Variants in C19orf18 observed in about 807,000 individuals in gnomAD.
The protein encoded by C19orf18 is uncharacterized protein C19orf18.
C19orf18 carries 21 observed loss-of-function variants against 23.3 expected under a neutral mutation model. The ratio of observed to expected loss-of-function variants is 0.90; its 90% CI spans 0.64 to 1.30. The LOEUF (loss-of-function observed/expected upper bound fraction) is 1.30. Among genes scored for constraint, C19orf18 ranks in the 50% most tolerant of loss-of-function variants. C19orf18 has a pLI of 0.00. For synonymous variants in C19orf18, 96 were observed against 95.2 expected (o/e 1.01, Z -0.05); for missense variants, 249 against 259.6 (o/e 0.96, Z 0.28).
At chr19:57,963,260 C>G (rs1436121290) in intron 4 of C19orf18, among the ~76,000 whole-genome samples, 1 of 151,914 alleles carries the variant, frequency 6.6e-6, no homozygotes, top group African/African-American at 2.4e-5. Flanking sequence ...AACTCCCAAC[C>G]TCAGGTGACC....
chr19:57,973,880 A>T (rs953375555), intron 2 of C19orf18, among the ~76,000 whole-genome samples: 5 of 143,942 alleles, frequency 3.5e-5, no homozygotes, highest in African/African-American at 1.3e-4. Flanking sequence ...CGCTTATTAA[A>T]GTGAAATGAA....
intron 5 of C19orf18, among the ~76,000 whole-genome samples, chr19:57,959,767 C>T (rs960179581): frequency 1.4e-5 from 2 of 147,272 alleles, no homozygotes; most frequent in African/African-American, 2.5e-5. Context: ...TGCACTCCAG[C>T]CTGGGTGACG....
rs1325217530 is a variant in C19orf18, at chr19:57,974,299, T to G, written c.121+13A>C. 1.2e-6 allele frequency: 2 copies of G among 1,613,988 alleles called. No individual in the cohort carries two copies. The highest frequency in any genetic ancestry group is 2.2e-5 in the East Asian group (1 of 44,904). On this transcript the variant is annotated intron_variant, in intron 1 of 5. Transcript: ENST00000314391. ...TTCTCCCTGAGTCACATAAAACCAGTGGTTGAAGCTACCTGGTAAGCCTGT... is the reference window on the plus strand; with the variant it reads ...TTCTCCCTGAGTCACATAAAACCAGGGGTTGAAGCTACCTGGTAAGCCTGT...
chr19:57,974,415 A>G lies in C19orf18; in HGVS notation c.18T>C (p.Ser6=). 6.2e-7 allele frequency: 1 copy of G among 1,613,780 alleles called. No homozygotes were observed. The highest frequency in any genetic ancestry group is 8.5e-7 in the Non-Finnish European group (1 of 1,179,938). MDKVQ[S]GFLILFLFLM... ...AAAACAAAAACAAAATGAGGAAACC[A>G]CTCTGAACCTTGTCCATCACTCTCA... Residue 6 remains serine (S), a synonymous_variant, in exon 1 of 6, where the codon AGT becomes AGC. Transcript: ENST00000314391.
intron 3 of C19orf18, among the ~76,000 whole-genome samples, chr19:57,969,847 G>A (rs1337155370): frequency 2.0e-5 from 3 of 148,740 alleles, no homozygotes; most frequent in African/African-American, 5.0e-5. Context: ...ACTCCAGGCT[G>A]GGCGACAAGA....
intron 4 of C19orf18, among the ~76,000 whole-genome samples, chr19:57,963,607 G>A (rs2072887860): frequency 6.6e-6 from 1 of 152,006 alleles, no homozygotes; most frequent in African/African-American, 2.4e-5. Flanking sequence ...TTTTATCTAG[G>A]CCAAGCACAG....
intron 5 of C19orf18, among the ~76,000 whole-genome samples, chr19:57,960,721 C>CT (rs2072863245): frequency 6.6e-6 from 1 of 152,170 alleles, no homozygotes; most frequent in African/African-American, 2.4e-5. Context: ...TTCCTGAACT[C>CT]TGTTAGATCC....
chr19:57,961,263 GAAGAAAGAAAGAA>G lies in C19orf18; in HGVS notation c.532+115_532+127del, dbSNP rs1223477191. On this transcript the variant is annotated intron_variant, in intron 5 of 5. Transcript: ENST00000314391. ...AAAAAAATGAAAGAAAGAAAGGAAG[GAAGAAAGAAAGAA>G]AGGAAAGAAAGAAAGAAAAGAAATG... 8.5e-5 allele frequency: 89 copies of G among 1,048,998 alleles called. 1 individual carries two copies. In the South Asian group the frequency reaches 1.5e-3, roughly 17 times the overall value. The allele number at this position is 1,048,998 out of a possible 1,614,324, so 65.0% of individuals were successfully genotyped here.
intron 4 of C19orf18, among the ~76,000 whole-genome samples, chr19:57,963,114 C>T (rs1031099637): frequency 6.6e-6 from 1 of 151,066 alleles, no homozygotes; most frequent in African/African-American, 2.4e-5. Context: ...ACAACCTCCA[C>T]CTCCCAGGTT....
rs1464021833 is a variant in C19orf18, at chr19:57,958,715, T to A, written c.535A>T (p.Ile179Phe). The change falls in exon 6 of 6, where the codon ATT (isoleucine) becomes TTT (phenylalanine). Residue 179 changes from isoleucine (I) to phenylalanine (F), a missense_variant and splice_region_variant. Transcript: ENST00000314391. Reference sequence around the variant, plus strand: ...ATATTTTTGCTTCTTTTTGATATAATAACTAAAATGTAGAAATGATGTTAT... The same window carrying A: ...ATATTTTTGCTTCTTTTTGATATAAAAACTAAAATGTAGAAATGATGTTAT... ...NELEKFIHSV[I>F]ISKRSKNIKK... 3 of 1,483,026 alleles carry A rather than the reference T, an allele frequency of 2.0e-6. No homozygotes were observed. The highest frequency in any genetic ancestry group is 1.9e-6 in the Non-Finnish European group (2 of 1,075,210). The allele number at this position is 1,483,026 out of a possible 1,614,324, so 91.9% of individuals were successfully genotyped here. A position where few individuals can be genotyped will look rare whatever the true frequency, so the allele number is the denominator to read the frequency against.
chr19:57,959,397 C>A (rs867052872), intron 5 of C19orf18, among the ~76,000 whole-genome samples: 2 of 151,830 alleles, frequency 1.3e-5, no homozygotes, highest in Admixed American at 6.6e-5. Flanking sequence ...CTGAACAGGG[C>A]GGATCACTTG....
At chr19:57,972,178 G>A (rs1245508725) in intron 3 of C19orf18, among the ~76,000 whole-genome samples, 1 of 152,200 alleles carries the variant, frequency 6.6e-6, no homozygotes, top group African/African-American at 2.4e-5. Flanking sequence ...TGCTGACAGG[G>A]CCGCTGTGTG....
chr19:57,965,979 TTTTC>T lies in C19orf18; in HGVS notation c.371+547_371+550del, dbSNP rs770833089. ...TACTTTAAGTAATATTTTCTTTTCTTTTTCTTTTTTTTTTTTTCAGACGAGTCTC... is the reference window on the plus strand; with the variant it reads ...TACTTTAAGTAATATTTTCTTTTCTTTTTTTTTTTTTTTCAGACGAGTCTC... On this transcript the variant is annotated intron_variant, in intron 4 of 5. Transcript: ENST00000314391. 1.8e-4 allele frequency among the ~76,000 whole-genome samples: 27 copies of T among 151,498 alleles called. No homozygotes were observed. The East Asian group carries it at 2.3e-3, about 13-fold the overall frequency.
chr19:57,973,317 A>G (rs572686108), intron 2 of C19orf18, among the ~76,000 whole-genome samples: 136 of 152,132 alleles, frequency 8.9e-4, no homozygotes, highest in Non-Finnish European at 1.6e-3. Flanking sequence ...CAAGCATCAT[A>G]TATCTCCACA....
intron 4 of C19orf18, among the ~76,000 whole-genome samples, chr19:57,962,237 A>G (rs983628165): frequency 6.6e-6 from 1 of 151,578 alleles, no homozygotes; most frequent in Non-Finnish European, 1.5e-5. Context: ...GCGTCTTGCT[A>G]TGTTGCCCAG....
intron 4 of C19orf18, among the ~76,000 whole-genome samples, chr19:57,961,944 CTTT>C (rs2123219000): frequency 6.7e-6 from 1 of 149,430 alleles, no homozygotes; most frequent in South Asian, 2.2e-4. Context: ...TCCCTCCCTT[CTTT>C]TCTTTCCTTT....
chr19:57,971,425 G>C (rs998700487), intron 3 of C19orf18, among the ~76,000 whole-genome samples: 6 of 151,938 alleles, frequency 3.9e-5, no homozygotes, highest in Non-Finnish European at 8.8e-5. Context: ...CACTCAAGCT[G>C]ATCCCAAGCC....
chr19:57,960,110 A>G (rs2072856392), intron 5 of C19orf18, among the ~76,000 whole-genome samples: 2 of 79,586 alleles, frequency 2.5e-5, no homozygotes, highest in African/African-American at 1.5e-4. Context: ...CTCTGTCTCA[A>G]AAAAAAAAGA....
intron 3 of C19orf18, among the ~76,000 whole-genome samples, chr19:57,968,665 A>C (rs987887402): frequency 6.6e-6 from 1 of 152,118 alleles, no homozygotes; most frequent in African/African-American, 2.4e-5. Context: ...AGACTAGGAA[A>C]ATGAATAGCA....
Sources: allele counts gnomAD v4.1 joint callset (sites outside exome capture counted in the v4.1 genomes callset), GRCh38; gene constraint gnomAD v4.1.1; transcripts MANE v1.5; gene names NCBI Gene and HGNC (gene_info 2026-07-23, HGNC 2026-07-21).